FCRL3: variants seen among roughly 807,000 people sequenced by gnomAD.
The protein encoded by FCRL3 is Fc receptor like 3, also known as Fc receptor-like protein 3.
A neutral mutation model predicts 75.0 loss-of-function variants in FCRL3; 89 were observed. That is an observed-to-expected ratio of 1.19 (90% CI 1.00 to 1.42). The LOEUF (loss-of-function observed/expected upper bound fraction) is 1.42, where lower values mean the gene tolerates loss of function less well. Among genes scored for constraint, FCRL3 ranks in the 40% most tolerant of loss-of-function variants. FCRL3 has a pLI of 0.00. For missense variants in FCRL3, 946 were observed against 880.0 expected (o/e 1.07, Z -0.95); for synonymous variants, 376 against 348.5 (o/e 1.08, Z -0.88).
At position 157,677,146 on chromosome 1, in the gene FCRL3, T is replaced by C; in HGVS notation, c.*1564A>G. On this transcript the variant is annotated 3_prime_UTR_variant, in exon 15 of 15. Coordinates refer to ENST00000368184, the MANE Select transcript of FCRL3 (RefSeq NM_052939.4). ...CAGTGGGAGCAGTGTGGATTGATCA[T>C]CACATTTTTTGAGGCCAGCAGCTGT... The C allele has an allele frequency of 2.0e-6, 2 of 1,011,586 alleles. No individual in the cohort carries two copies. Among genetic ancestry groups the C allele is most frequent in the South Asian group, 4.2e-5 (1 of 23,578 alleles). The allele number at this position is 1,011,586 out of a possible 1,614,324, so 62.7% of individuals were successfully genotyped here.
intron 8 of FCRL3, 33 bp from the exon 9 acceptor site, chr1:157,690,566 T>A (rs757136164): frequency 6.2e-7 from 1 of 1,609,328 alleles, no homozygotes. Flanking sequence ...CTGGCAGTTT[T>A]ACTTAAGTAG....
chr1:157,681,311 A>G (rs1190839341), intron 11 of FCRL3, among the ~76,000 whole-genome samples: 1 of 151,504 alleles, frequency 6.6e-6, no homozygotes, highest in African/African-American at 2.4e-5. Context: ...TTACATATGT[A>G]TATATGTGCC....
At chr1:157,694,383 T>C (rs534077333) in intron 8 of FCRL3, among the ~76,000 whole-genome samples, 1 of 152,318 alleles carries the variant, frequency 6.6e-6, no homozygotes, top group African/African-American at 2.4e-5. Context: ...CCTCCTTAAA[T>C]CATTACCCAA....
In FCRL3 at chr1:157,697,250, A is replaced by C. The variant is rs201082888; in HGVS notation, c.734T>G (p.Leu245Arg). The C allele has an allele frequency of 6.2e-7, 1 of 1,610,100 alleles. No homozygotes were observed. Among genetic ancestry groups the C allele is most frequent in the African/African-American group, 1.3e-5 (1 of 74,890 alleles). The change falls in exon 6 of 15, where the codon CTC (leucine) becomes CGC (arginine). Residue 245 changes from leucine (L) to arginine (R), a missense_variant. Leu to Arg is a moderately radical substitution (Grantham distance 102). Transcript: ENST00000368184. ...TTCAGTCCACATGGCAGGGATCTGGAGTCTGGGGGACCTGCTCCAGCCCAA... is the reference window on the plus strand; with the variant it reads ...TTCAGTCCACATGGCAGGGATCTGGCGTCTGGGGGACCTGCTCCAGCCCAA... Reference protein sequence around the residue: ...LGLGWSRSPRLQIPAMWTEDS... With the variant: ...LGLGWSRSPRRQIPAMWTEDS...
chr1:157,686,541 C>A, intron 10 of FCRL3, among the ~76,000 whole-genome samples: 1 of 152,172 alleles, frequency 6.6e-6, no homozygotes. Flanking sequence ...TCAAACTATA[C>A]TATAAGCCTA....
In FCRL3 at chr1:157,677,809, A is replaced by G. The variant is rs371507672; in HGVS notation, c.*901T>C. 1.2e-5 allele frequency: 6 copies of G among 480,620 alleles called. No individual in the cohort carries two copies. Among genetic ancestry groups the G allele is most frequent in the African/African-American group, 1.1e-4 (5 of 46,992 alleles). The allele number at this position is 480,620 out of a possible 1,614,324, so 29.8% of individuals were successfully genotyped here. ...AAACATATTTAAGGAAAACATGTAG[A>G]TACATTAATATGATAGAAATAGGAG... On this transcript the variant is annotated 3_prime_UTR_variant, in exon 15 of 15. Coordinates refer to ENST00000368184, the MANE Select transcript of FCRL3 (RefSeq NM_052939.4).
rs139076337 is a variant in FCRL3 at position 157,693,091 on chromosome 1, C to T, written c.1411+2238G>A. Among the ~76,000 whole-genome samples the T allele has an allele frequency of 2.0e-3, 310 of 151,918 alleles. 2 individuals are homozygous for T. The highest frequency in any genetic ancestry group is 7.2e-3 in the African/African-American group (297 of 41,422). ...AGAAGTTCGAGACCAGCCTGGGCAA[C>T]ATGACGAAAACCCGTCTCTACTAAA... On this transcript the variant is annotated intron_variant, in intron 8 of 14. Coordinates refer to ENST00000368184, the MANE Select transcript of FCRL3 (RefSeq NM_052939.4).
At chr1:157,685,636 A>G (rs1044747638) in intron 10 of FCRL3, among the ~76,000 whole-genome samples, 1 of 152,160 alleles carries the variant, frequency 6.6e-6, no homozygotes, top group Admixed American at 6.6e-5. Flanking sequence ...CTATCCGGCA[A>G]CTATGGAATA....
At chr1:157,692,499 G>A (rs1229913715) in intron 8 of FCRL3, among the ~76,000 whole-genome samples, 1 of 152,192 alleles carries the variant, frequency 6.6e-6, no homozygotes, top group East Asian at 1.9e-4. Flanking sequence ...GCCTCCCAAA[G>A]TGCTGGGATT....
chr1:157,678,162 T>C lies in FCRL3; in HGVS notation c.*548A>G. On this transcript the variant is annotated 3_prime_UTR_variant, in exon 15 of 15. Coordinates refer to ENST00000368184, the MANE Select transcript of FCRL3 (RefSeq NM_052939.4). Reference sequence around the variant, plus strand: ...AACTAGGGTAATTTGGTTGGGAATGTCACCCTGTAAGTACAAAAATACACT... The same window carrying C: ...AACTAGGGTAATTTGGTTGGGAATGCCACCCTGTAAGTACAAAAATACACT... The C allele has an allele frequency of 1.0e-6, 1 of 986,168 alleles. No homozygotes were observed. The highest frequency in any genetic ancestry group is 1.2e-6 in the Non-Finnish European group (1 of 830,516). 61.1% of individuals were successfully genotyped at this position (986,168 alleles called of 1,614,324 possible).
chr1:157,678,102 G>A lies in FCRL3; in HGVS notation c.*608C>T, dbSNP rs560351536. 4.9e-4 allele frequency: 483 copies of A among 986,038 alleles called. No individual in the cohort carries two copies. Among genetic ancestry groups the A allele is most frequent in the Non-Finnish European group, 5.5e-4 (453 of 830,454 alleles). The allele number at this position is 986,038 out of a possible 1,614,324, so 61.1% of individuals were successfully genotyped here. On this transcript the variant is annotated 3_prime_UTR_variant, in exon 15 of 15. Transcript: ENST00000368184. ...ACAAGTCACATATTAAACTAGCAGAGTCTTTAATGAAATGCTGAAGTTATT... is the reference window on the plus strand; with the variant it reads ...ACAAGTCACATATTAAACTAGCAGAATCTTTAATGAAATGCTGAAGTTATT...
At position 157,697,362 on chromosome 1, in the gene FCRL3, T is replaced by C. The variant is rs762969025; in HGVS notation, c.622A>G (p.Thr208Ala). The change falls in exon 6 of 15, where the codon ACC (threonine) becomes GCC (alanine). Residue 208 changes from threonine (T) to alanine (A), a missense_variant. Transcript: ENST00000368184. ...GAGAGCTGGGTCTCACAGGTCAGGG[T>C]CATGGGACTCCCCTCTATGGGCGTG... is the stretch of plus-strand genomic sequence containing the variant. ...SSTPIEGSPMTLTCETQLSPQ... is the reference protein window; with the variant it reads ...SSTPIEGSPMALTCETQLSPQ... 5 of 1,597,762 alleles carry C rather than the reference T, an allele frequency of 3.1e-6. No individual in the cohort carries two copies. Among genetic ancestry groups the C allele is most frequent in the Non-Finnish European group, 4.3e-6 (5 of 1,173,460 alleles).
chr1:157,677,505 T>C lies in FCRL3; in HGVS notation c.*1205A>G, dbSNP rs1654534084. The C allele has an allele frequency of 1.0e-6, 1 of 985,336 alleles. No individual in the cohort carries two copies. Among genetic ancestry groups the C allele is most frequent in the African/African-American group, 1.7e-5 (1 of 57,246 alleles). 61.0% of individuals were successfully genotyped at this position (985,336 alleles called of 1,614,324 possible). The stretch of plus-strand genomic sequence containing the variant: ...AGAGATATTTGGAAACATCAGGATT[T>C]CAGAATGGAGGTGAAGTCACTGAAA... On this transcript the variant is annotated 3_prime_UTR_variant, in exon 15 of 15. Coordinates refer to ENST00000368184, the MANE Select transcript of FCRL3 (RefSeq NM_052939.4).
At chr1:157,697,119 A>G (rs1557833294) in intron 6 of FCRL3, 21 bp downstream of exon 6, 15 of 1,413,300 alleles carry the variant, frequency 1.1e-5, no homozygotes, top group Non-Finnish European at 1.3e-5. Context: ...ACTCTGGAAG[A>G]GCAGCCCCTT....
At chr1:157,686,597 A>T (rs1571199017) in intron 10 of FCRL3, among the ~76,000 whole-genome samples, 1 of 152,250 alleles carries the variant, frequency 6.6e-6, no homozygotes, top group East Asian at 1.9e-4. Context: ...AGACACATAG[A>T]CCAACGGAAT....
intron 6 of FCRL3, 121 bp from the exon 7 acceptor site, chr1:157,696,448 T>A: frequency 1.0e-6 from 1 of 998,422 alleles, no homozygotes; most frequent in Non-Finnish European, 1.5e-6. Context: ...AAGCCCAAAG[T>A]AGGAAATAAG....
intron 10 of FCRL3, among the ~76,000 whole-genome samples, chr1:157,687,230 C>G (rs906120335): frequency 6.7e-6 from 1 of 150,320 alleles, no homozygotes; most frequent in Non-Finnish European, 1.5e-5. Flanking sequence ...TCAAAACCAC[C>G]ATCAGATACT....
In FCRL3 at chr1:157,699,723, G is replaced by A. The variant is rs1241854205; in HGVS notation, c.32-11C>T. 6 of 1,613,042 alleles carry A rather than the reference G, an allele frequency of 3.7e-6. No homozygotes were observed. Among genetic ancestry groups the A allele is most frequent in the Non-Finnish European group, 5.1e-6 (6 of 1,179,600 alleles). ...GTTCTCTTCCAGGAGCTGTGAGGGAGCAGAAAATGACAATCAGACACTCTC... is the reference window on the plus strand; with the variant it reads ...GTTCTCTTCCAGGAGCTGTGAGGGAACAGAAAATGACAATCAGACACTCTC... On this transcript the variant is annotated splice_polypyrimidine_tract_variant and intron_variant, in intron 2 of 14. Transcript: ENST00000368184.
intron 13 of FCRL3, among the ~76,000 whole-genome samples, chr1:157,679,387 A>G (rs1233685779): frequency 6.6e-6 from 1 of 152,176 alleles, no homozygotes; most frequent in Non-Finnish European, 1.5e-5. Flanking sequence ...GGAGGCAGAT[A>G]TGAGTCACTT....
Sources: allele counts gnomAD v4.1 joint callset (sites outside exome capture counted in the v4.1 genomes callset), GRCh38; gene constraint gnomAD v4.1.1; transcripts MANE v1.5; gene names NCBI Gene and HGNC (gene_info 2026-07-23, HGNC 2026-07-21).